The following IL18BP variants were observed in gnomAD, a reference collection of about 807,000 sequenced individuals.
The protein encoded by IL18BP is interleukin-18-binding protein.
IL18BP carries 23 observed loss-of-function variants against 19.9 expected under a neutral mutation model. The observed-to-expected ratio is 1.15, with a 90% CI of 0.83 to 1.64. The LOEUF (loss-of-function observed/expected upper bound fraction) is 1.64, where lower values mean the gene tolerates loss of function less well. Among genes scored for constraint, IL18BP ranks in the 40% most tolerant of loss-of-function variants. IL18BP has a pLI of 0.00. For synonymous variants in IL18BP, 107 were observed against 101.0 expected (o/e 1.06, Z -0.35); for missense variants, 239 against 240.7 (o/e 0.99, Z 0.05).
downstream of IL18BP, chr11:72,004,080 A>G (rs765635913): frequency 6.8e-6 from 11 of 1,613,094 alleles, no homozygotes; most frequent in Admixed American, 1.3e-4. Flanking sequence ...GCTGAAGGCC[A>G]TCGACTGGCG....
chr11:72,004,759 C>T (rs997026266), downstream of IL18BP: 3 of 1,604,598 alleles, frequency 1.9e-6, no homozygotes, highest in Admixed American at 1.7e-5. Flanking sequence ...CGCAGGGTCT[C>T]TTGGGGGTCT....
rs753067649 is a variant in IL18BP at position 72,001,843 on chromosome 11, T to TCCACAGCAGC, written c.568_577dup (p.Gln193ProfsTer18). 1 of 1,614,062 alleles carries TCCACAGCAGC rather than the reference T, an allele frequency of 6.2e-7. No homozygotes were observed. Among genetic ancestry groups the TCCACAGCAGC allele is most frequent in the Non-Finnish European group, 8.5e-7 (1 of 1,179,998 alleles). On this transcript the variant is annotated frameshift_variant, in exon 6 of 6. Coordinates refer to ENST00000393703, the MANE Select transcript of IL18BP (RefSeq NM_001039660.2). LOFTEE classifies it high-confidence loss of function. ...AAGCCCTGCCCTCCAGCCACAGCAG[T>TCCACAGCAGC]CCACAGCAGCAGGGTTAAGACTCAG...
At chr11:72,006,416 G>C (rs980710271), downstream of IL18BP, among the ~76,000 whole-genome samples, 4 of 152,192 alleles carry the variant, frequency 2.6e-5, no homozygotes, top group Non-Finnish European at 4.4e-5. Context: ...CAAGAAATGG[G>C]CCTTGTCGAC....
downstream of IL18BP, chr11:72,007,920 T>C (rs930637403): frequency 1.7e-5 from 6 of 352,468 alleles, no homozygotes; most frequent in Non-Finnish European, 2.2e-5. Context: ...CTTCATCTCC[T>C]CTCACCTAGA....
downstream of IL18BP, chr11:72,004,519 GGAGAGAGGGAAA>G: frequency 2.4e-6 from 3 of 1,268,536 alleles, 1 homozygote; most frequent in Admixed American, 6.8e-5. Flanking sequence ...TCAGGCCCTT[GGAGAGAGGGAAA>G]GAGAGGGGGA....
chr11:72,002,293 C>T lies in IL18BP; in HGVS notation c.*432C>T, dbSNP rs897782338. On this transcript the variant is annotated 3_prime_UTR_variant, in exon 6 of 6. Transcript: ENST00000393703. ...GCTCATTTAGTCCCGTCTTCCTCAC[C>T]GCCCCAGCAGGGGAACGCTCAAGCC... The T allele has an allele frequency of 1.5e-4, 29 of 193,968 alleles. No individual in the cohort carries two copies. The highest frequency in any genetic ancestry group is 5.1e-4 in the African/African-American group (22 of 42,844). The allele number at this position is 193,968 out of a possible 1,614,324, so 12.0% of individuals were successfully genotyped here.
chr11:72,003,695 G>A, downstream of IL18BP: 2 of 1,056,242 alleles, frequency 1.9e-6, no homozygotes, highest in Non-Finnish European at 1.4e-6. Context: ...GAGCAGCTCT[G>A]GGTGCTCTCC....
At chr11:72,003,255 G>T (rs1455793449), downstream of IL18BP, 2 of 512,294 alleles carry the variant, frequency 3.9e-6, no homozygotes, top group African/African-American at 1.9e-5. Flanking sequence ...ATCTGGTTGT[G>T]ATGGAGAAGT....
At chr11:72,004,207 C>T, downstream of IL18BP, 1 of 1,607,398 alleles carries the variant, frequency 6.2e-7, no homozygotes, top group Non-Finnish European at 8.5e-7. Context: ...CTTCATCCCC[C>T]TTCAGCCCCA....
chr11:72,003,869 T>C (rs750247937), downstream of IL18BP: 1 of 1,612,502 alleles, frequency 6.2e-7, no homozygotes. Context: ...CCCTCCCCCA[T>C]CCTGCCAGTG....
At chr11:72,004,255 C>A, downstream of IL18BP, 1 of 1,612,212 alleles carries the variant, frequency 6.2e-7, no homozygotes, top group Non-Finnish European at 8.5e-7. Context: ...CTGCTTTCTT[C>A]TGGGCCTCAG....
downstream of IL18BP, chr11:72,003,343 T>A: frequency 3.1e-6 from 2 of 645,334 alleles, no homozygotes; most frequent in Non-Finnish European, 5.6e-6. Context: ...CTGGGCCAGC[T>A]CCGAGAAGGC....
chr11:72,007,385 G>C (rs995041558), downstream of IL18BP: 1 of 1,613,858 alleles, frequency 6.2e-7, no homozygotes, highest in Non-Finnish European at 8.5e-7. Context: ...GATAGGTGAG[G>C]CTGGTTCTCC....
chr11:72,001,602 A>T lies in IL18BP; in HGVS notation c.507+50A>T. On this transcript the variant is annotated intron_variant, in intron 5 of 5. Coordinates refer to ENST00000393703, the MANE Select transcript of IL18BP (RefSeq NM_001039660.2). ...CAGGAACAGGAGGAGCTCTGCTTCC[A>T]TATGTGGGGAGGAAAGGGTGGGCTC... The T allele has an allele frequency of 3.8e-6, 6 of 1,593,590 alleles. No individual in the cohort carries two copies. Among genetic ancestry groups the T allele is most frequent in the Non-Finnish European group, 5.1e-6 (6 of 1,169,920 alleles).
At chr11:72,003,304 G>A (rs745307495), downstream of IL18BP, 2 of 581,816 alleles carry the variant, frequency 3.4e-6, no homozygotes, top group Non-Finnish European at 6.2e-6. Context: ...GGTAGGGAGA[G>A]CGCCCACACT....
At position 72,001,358 on chromosome 11, in the gene IL18BP, A is replaced by C. The variant is rs1368048447; in HGVS notation, c.359+34A>C. On this transcript the variant is annotated intron_variant, in intron 4 of 5. Transcript: ENST00000393703. ...CGCAGCAGCCAGGTGGGTGGGAAGG[A>C]GGCCTTCTGCGGCCTTCTCATGACC... 10 of 1,614,218 alleles carry C rather than the reference A, an allele frequency of 6.2e-6. 1 individual carries two copies. Among genetic ancestry groups the C allele is most frequent in the South Asian group, 5.5e-5 (5 of 91,082 alleles).
At chr11:72,003,991 G>A (rs1955473785), downstream of IL18BP, 2 of 1,613,460 alleles carry the variant, frequency 1.2e-6, no homozygotes, top group Non-Finnish European at 1.7e-6. Flanking sequence ...CGAGTGTTGG[G>A]GGAAGCCTTG....
At chr11:72,004,932 C>T, downstream of IL18BP, 1 of 1,077,528 alleles carries the variant, frequency 9.3e-7, no homozygotes, top group Non-Finnish European at 1.3e-6. Flanking sequence ...CCCTTCCTGC[C>T]TCACGAGGTA....
At chr11:72,006,168 AGAG>A (rs754663999), downstream of IL18BP, 8 of 1,614,076 alleles carry the variant, frequency 5.0e-6, no homozygotes, top group African/African-American at 1.1e-4. Flanking sequence ...GAGACTGAGT[AGAG>A]GAGGTGGCTC....
Sources: allele counts gnomAD v4.1 joint callset (sites outside exome capture counted in the v4.1 genomes callset), GRCh38; gene constraint gnomAD v4.1.1; transcripts MANE v1.5; gene names NCBI Gene and HGNC (gene_info 2026-07-23, HGNC 2026-07-21).